CASP8: variants seen among roughly 807,000 people sequenced by gnomAD.
The protein encoded by CASP8 is caspase 8, also known as caspase-8.
CASP8 carries 24 observed loss-of-function variants against 46.3 expected under a neutral mutation model. The observed-to-expected ratio is 0.52, with a 90% CI of 0.38 to 0.73. The LOEUF (loss-of-function observed/expected upper bound fraction) is 0.73. CASP8 is among the 30% of genes least tolerant of loss of function. The pLI, the probability that CASP8 is intolerant of heterozygous loss-of-function variation, is 0.00. For synonymous variants in CASP8, 188 were observed against 200.4 expected (o/e 0.94, Z 0.52); for missense variants, 460 against 559.0 (o/e 0.82, Z 1.79).
rs181730491 is a variant in CASP8, at chr2:201,269,670, C to T, written c.306-1846C>T. Reference sequence around the variant, plus strand: ...GATAAAAGGGTCCGGGCAATCCTGACTTACTGCTTGTTCATTATCATTGAA... The same window carrying T: ...GATAAAAGGGTCCGGGCAATCCTGATTTACTGCTTGTTCATTATCATTGAA... On this transcript the variant is annotated intron_variant, in intron 2 of 8. Transcript: ENST00000673742. 63 of 1,103,402 alleles carry T rather than the reference C, an allele frequency of 5.7e-5. 1 individual carries two copies. The African/African-American group carries it at 8.4e-4, about 15-fold the overall frequency. 68.4% of individuals were successfully genotyped at this position (1,103,402 alleles called of 1,614,324 possible).
chr2:201,285,502 C>G (rs1402817549), intron 8 of CASP8, among the ~76,000 whole-genome samples, 185 bp downstream of exon 8: 1 of 152,220 alleles, frequency 6.6e-6, no homozygotes, highest in Admixed American at 6.5e-5. Context: ...AGCTGTAGAT[C>G]ACATAGCTGC....
chr2:201,233,619 G>A (rs1945915559), intron 1 of CASP8: 1 of 152,222 alleles, frequency 6.6e-6, no homozygotes, highest in Non-Finnish European at 1.5e-5. Flanking sequence ...AGCATCTGCT[G>A]TCTGTGAGAT....
At chr2:201,276,416 T>C (rs747599328) in intron 6 of CASP8, among the ~76,000 whole-genome samples, 1 of 152,226 alleles carries the variant, frequency 6.6e-6, no homozygotes, top group Non-Finnish European at 1.5e-5. Context: ...TCACAAGTCA[T>C]GGCGTGGGGG....
chr2:201,266,382 G>A lies in CASP8; in HGVS notation c.-26-79G>A. The A allele has an allele frequency of 9.4e-7, 1 of 1,059,916 alleles. No homozygotes were observed. Among genetic ancestry groups the A allele is most frequent in the Non-Finnish European group, 1.5e-6 (1 of 687,298 alleles). The allele number at this position is 1,059,916 out of a possible 1,614,324, so 65.7% of individuals were successfully genotyped here. On this transcript the variant is annotated intron_variant, in intron 1 of 8. Transcript: ENST00000673742. The surrounding 1 kb of genome is among the most constrained non-coding windows in gnomAD (Gnocchi z 5.7). ...ACAGCACAATGACCAGTACCTAGTA[G>A]TTGCAGTAGCCTTTGATGAACAAGC...
intron 1 of CASP8, chr2:201,233,644 A>T (rs1019511020): frequency 1.3e-5 from 2 of 152,138 alleles, no homozygotes; most frequent in African/African-American, 4.8e-5. Context: ...CACTATGTAT[A>T]TTGCTTTATT....
In CASP8 at chr2:201,266,214, G is replaced by A. The variant is rs1947816461; in HGVS notation, c.-26-247G>A. ...AGGCTGGTCTCAAACTCCTGACCTCGTGATCCGCCTGCCTTGGCCTCCCAA... is the reference window on the plus strand; with the variant it reads ...AGGCTGGTCTCAAACTCCTGACCTCATGATCCGCCTGCCTTGGCCTCCCAA... On this transcript the variant is annotated intron_variant, in intron 1 of 8. Transcript: ENST00000673742. This position sits in a 1 kb window ranked among gnomAD's most constrained non-coding sequence, Gnocchi z 5.7. Among the ~76,000 whole-genome samples the A allele has an allele frequency of 1.3e-5, 2 of 152,128 alleles. No individual in the cohort carries two copies. Among genetic ancestry groups the A allele is most frequent in the African/African-American group, 2.4e-5 (1 of 41,424 alleles).
In CASP8 at chr2:201,282,510, C is replaced by A. The variant is rs1239750605; in HGVS notation, c.803-2306C>A. ...GGGGCTCCTCACTTCCCAGTAGGGG[C>A]GGCCCGGCAGAAGCGCCCCTCACCT... On this transcript the variant is annotated intron_variant, in intron 7 of 8. Coordinates refer to ENST00000673742, the MANE Select transcript of CASP8 (RefSeq NM_001372051.1). 1.8e-5 allele frequency among the ~76,000 whole-genome samples: 2 copies of A among 111,632 alleles called. 1 individual carries two copies. The highest frequency in any genetic ancestry group is 5.9e-5 in the African/African-American group (2 of 34,162). 73.2% of individuals were successfully genotyped at this position (111,632 alleles called of 152,430 possible).
intron 7 of CASP8, 194 bp downstream of exon 7, chr2:201,277,162 TA>T: frequency 2.1e-6 from 1 of 471,488 alleles, no homozygotes; most frequent in Non-Finnish European, 3.8e-6. Flanking sequence ...ATTAATTTTT[TA>T]AATAAAAGTA....
chr2:201,251,777 C>T (rs1001143756), intron 2 of CASP8, among the ~76,000 whole-genome samples: 3 of 151,822 alleles, frequency 2.0e-5, no homozygotes, highest in Non-Finnish European at 4.4e-5. Context: ...GTGGTCATGC[C>T]GGTAATCCCA....
rs1331031754 is a variant in CASP8, at chr2:201,272,196, GTGTGT to G, written c.412-438_412-434del. 1.3e-5 allele frequency among the ~76,000 whole-genome samples: 2 copies of G among 151,776 alleles called. No homozygotes were observed. Among genetic ancestry groups the G allele is most frequent in the Non-Finnish European group, 2.9e-5 (2 of 67,922 alleles). On this transcript the variant is annotated intron_variant, in intron 3 of 8. Coordinates refer to ENST00000673742, the MANE Select transcript of CASP8 (RefSeq NM_001372051.1). The surrounding 1 kb of genome is among the most constrained non-coding windows in gnomAD (Gnocchi z 4.4). ...GTGTGTATCACTGAGTATACTCTGT[GTGTGT>G]TGTATCTGTGTGTGTATGTGCATGT...
chr2:201,272,722 C>G lies in CASP8; in HGVS notation c.496C>G (p.Gln166Glu). 1 of 1,613,552 alleles carries G rather than the reference C, an allele frequency of 6.2e-7. No homozygotes were observed. Among genetic ancestry groups the G allele is most frequent in the Non-Finnish European group, 8.5e-7 (1 of 1,179,786 alleles). ...GGACATCCTGAAAAGAGTCTGTGCCCAAATCAACAAGAGCCTGCTGAAGAT... is the reference window on the plus strand; with the variant it reads ...GGACATCCTGAAAAGAGTCTGTGCCGAAATCAACAAGAGCCTGCTGAAGAT... ...KLDILKRVCA[Q>E]INKSLLKIIN... The change falls in exon 4 of 9, where the codon CAA becomes GAA. Residue 166 changes from glutamine (Q) to glutamate (E), a missense_variant. Transcript: ENST00000673742. This position sits in a 1 kb window ranked among gnomAD's most constrained non-coding sequence, Gnocchi z 4.4.
intron 2 of CASP8, among the ~76,000 whole-genome samples, chr2:201,247,789 T>C (rs949947932): frequency 2.6e-5 from 4 of 152,004 alleles, no homozygotes; most frequent in South Asian, 2.1e-4. Flanking sequence ...GGACTACAGG[T>C]GCCCGCCACC....
chr2:201,287,422 A>G lies in CASP8; in HGVS notation c.*828A>G, dbSNP rs2125519162. Reference sequence around the variant, plus strand: ...CAAAAAAAATTTTTTTTTTAATAAAACAAAATTTGTTTGAAATCTTTTAAA... The same window carrying G: ...CAAAAAAAATTTTTTTTTTAATAAAGCAAAATTTGTTTGAAATCTTTTAAA... On this transcript the variant is annotated 3_prime_UTR_variant, in exon 9 of 9. Coordinates refer to ENST00000673742, the MANE Select transcript of CASP8 (RefSeq NM_001372051.1). 1 of 154,602 alleles carries G rather than the reference A, an allele frequency of 6.5e-6. No homozygotes were observed. Among genetic ancestry groups the G allele is most frequent in the Non-Finnish European group, 1.5e-5 (1 of 68,204 alleles). 9.6% of individuals were successfully genotyped at this position (154,602 alleles called of 1,614,324 possible).
In CASP8 at chr2:201,272,573, A is replaced by G; in HGVS notation, c.412-65A>G. The G allele has an allele frequency of 6.3e-7, 1 of 1,585,770 alleles. No homozygotes were observed. The highest frequency in any genetic ancestry group is 1.9e-4 in the Middle Eastern group (1 of 5,244). ...TTGGAGAAATTGGAAATTAAAAAAA[A>G]AAATCTAATCTAAAAACCAGTAGGG... On this transcript the variant is annotated intron_variant, in intron 3 of 8. Coordinates refer to ENST00000673742, the MANE Select transcript of CASP8 (RefSeq NM_001372051.1). The surrounding 1 kb of genome is among the most constrained non-coding windows in gnomAD (Gnocchi z 4.4).
Position 201,266,436 on chromosome 2 carries a change from G to A in CASP8, c.-26-25G>A, listed in dbSNP as rs753819845. 1.9e-6 allele frequency: 3 copies of A among 1,563,524 alleles called. No homozygotes were observed. Among genetic ancestry groups the A allele is most frequent in the Non-Finnish European group, 2.6e-6 (3 of 1,134,478 alleles). On this transcript the variant is annotated intron_variant, in intron 1 of 8. Coordinates refer to ENST00000673742, the MANE Select transcript of CASP8 (RefSeq NM_001372051.1). This position sits in a 1 kb window ranked among gnomAD's most constrained non-coding sequence, Gnocchi z 5.7. ...CAAATGGTACTTTTCTTCCTTATCTGAACATACCATTTATTTTGACTTAGA... is the reference window on the plus strand; with the variant it reads ...CAAATGGTACTTTTCTTCCTTATCTAAACATACCATTTATTTTGACTTAGA...
intron 2 of CASP8, among the ~76,000 whole-genome samples, chr2:201,247,769 C>T (rs1002032719): frequency 1.2e-4 from 18 of 152,078 alleles, no homozygotes; most frequent in African/African-American, 4.3e-4. Context: ...CTCAGCCTCC[C>T]GAGTAGCTGG....
chr2:201,277,126 T>G, intron 7 of CASP8, 158 bp downstream of exon 7: 1 of 577,286 alleles, frequency 1.7e-6, no homozygotes, highest in Non-Finnish European at 3.1e-6. Context: ...TCTTATACAT[T>G]TATCAGTTTC....
chr2:201,243,479 C>T (rs778733749), intron 2 of CASP8, among the ~76,000 whole-genome samples: 1 of 152,194 alleles, frequency 6.6e-6, no homozygotes, highest in Non-Finnish European at 1.5e-5. Flanking sequence ...TTTTAAGAAA[C>T]TCAGACAGAA....
chr2:201,283,697 C>CG (rs1232967749), intron 7 of CASP8, among the ~76,000 whole-genome samples: 2 of 92,014 alleles, frequency 2.2e-5, no homozygotes, highest in African/African-American at 3.5e-5. Context: ...ACCACCCCCC[C>CG]CCGCCTCCCT....
Sources: gnomAD v4.1 joint callset for allele counts (sites outside exome capture counted in the v4.1 genomes callset) on GRCh38, gnomAD v4.1.1 for gene constraint, Gnocchi (gnomAD v3.1) non-coding constraint, MANE v1.5 for transcripts, NCBI Gene and HGNC (gene_info 2026-07-23, HGNC 2026-07-21) for gene names.